The following DHTKD1 variants were observed in gnomAD, a reference collection of about 807,000 sequenced individuals.
DHTKD1 encodes dehydrogenase E1 and transketolase domain containing 1.
A neutral mutation model predicts 101.8 loss-of-function variants in DHTKD1; 78 were observed. That is an observed-to-expected ratio of 0.77 (90% confidence interval 0.64 to 0.93). The LOEUF (loss-of-function observed/expected upper bound fraction) is 0.93, where lower values mean the gene tolerates loss of function less well. Among genes scored for constraint, DHTKD1 ranks in the 40% least tolerant of loss-of-function variants. The probability of loss-of-function intolerance (pLI) is 0.00; values close to 1 mark genes in which losing one functional copy is unlikely to be tolerated. For missense variants in DHTKD1, 1,223 were observed against 1,161.7 expected, an observed-to-expected ratio of 1.05 and a Z score of -0.77; for synonymous variants, 462 against 450.3, an observed-to-expected ratio of 1.03 and a Z score of -0.33.
intron 13 of DHTKD1, among the ~76,000 whole-genome samples, chr10:12,114,410 C>T (rs918867435): frequency 6.6e-6 from 1 of 151,814 alleles, no homozygotes; most frequent in African/African-American, 2.4e-5. Context: ...GATTCTCCTG[C>T]CTCAGCCTCC....
chr10:12,072,800 G>T (rs868390298), intron 1 of DHTKD1, among the ~76,000 whole-genome samples: 14 of 151,384 alleles, frequency 9.2e-5, no homozygotes, highest in Middle Eastern at 6.8e-3. Context: ...GCAATGGCAC[G>T]ATCTCAGCTC....
At chr10:12,109,307 G>A (rs954964128) in intron 12 of DHTKD1, among the ~76,000 whole-genome samples, 1 of 151,924 alleles carries the variant, frequency 6.6e-6, no homozygotes, top group Non-Finnish European at 1.5e-5. Context: ...CAGATAGATG[G>A]ATAGTTACAT....
chr10:12,079,548 GT>G (rs938294675), intron 1 of DHTKD1, among the ~76,000 whole-genome samples: 23 of 152,132 alleles, frequency 1.5e-4, no homozygotes, highest in African/African-American at 4.8e-4. Flanking sequence ...TGCACCTGTA[GT>G]CCCAGCTACT....
At chr10:12,081,448 T>G in intron 1 of DHTKD1, 24 bp from the exon 2 acceptor site, 3 of 1,611,236 alleles carry the variant, frequency 1.9e-6, no homozygotes, top group Non-Finnish European at 2.5e-6. Context: ...ACTGTTTGCA[T>G]TTTTAAATTT....
In DHTKD1 at chr10:12,090,428, TTTCCTTCC is replaced by T. The variant is rs57839020; in HGVS notation, c.988-1041_988-1034del. On this transcript the variant is annotated intron_variant, in intron 5 of 16. Transcript: ENST00000263035. ...TCCTTTTTTCCTTCCTTCCTTCCTT[TTTCCTTCC>T]TTCCTTCCTTCCTTCCTTCCTTCCT... is the stretch of plus-strand genomic sequence containing the variant. Among the ~76,000 whole-genome samples, 262 of 119,846 alleles carry T rather than the reference TTTCCTTCC, an allele frequency of 2.2e-3. 4 individuals carry two copies. Among genetic ancestry groups the T allele is most frequent in the Middle Eastern group, 3.8e-3 (1 of 260 alleles). 78.6% of individuals were successfully genotyped at this position (119,846 alleles called of 152,430 possible). A position where few individuals can be genotyped will look rare whatever the true frequency, so the allele number is the denominator to read the frequency against.
rs755007799 is a variant in DHTKD1, at chr10:12,103,079, C to T, written c.1896+1898C>T. ...CTCTACTAAAAATACAAAAATTAGTCGGGCATGGTGGCACACGCCTGTAAT... is the reference window on the plus strand; with the variant it reads ...CTCTACTAAAAATACAAAAATTAGTTGGGCATGGTGGCACACGCCTGTAAT... On this transcript the variant is annotated intron_variant, in intron 10 of 16. Transcript: ENST00000263035. The surrounding 1 kb of genome is among the most constrained non-coding windows in gnomAD (Gnocchi z 4.8). Among the ~76,000 whole-genome samples the T allele has an allele frequency of 9.2e-5, 14 of 152,178 alleles. No individual in the cohort carries two copies. Among genetic ancestry groups the T allele is most frequent in the Middle Eastern group, 3.4e-3 (1 of 292 alleles).
intron 3 of DHTKD1, 81 bp downstream of exon 3, chr10:12,084,832 C>T: frequency 4.7e-6 from 6 of 1,281,334 alleles, no homozygotes; most frequent in Admixed American, 3.5e-5. Context: ...GGGCGGATCA[C>T]CTGAGGTCAG....
In DHTKD1 at chr10:12,107,752, C is replaced by G. The variant is rs1161718674; in HGVS notation, c.2048-157C>G. On this transcript the variant is annotated intron_variant, in intron 11 of 16. Coordinates refer to ENST00000263035, the MANE Select transcript of DHTKD1 (RefSeq NM_018706.7). This position sits in a 1 kb window ranked among gnomAD's most constrained non-coding sequence, Gnocchi z 4.1. ...TTTTCATTCAATGAAATGGACATTT[C>G]CCTAAGTATAGCATAACAGTTCTAG... 6.6e-6 allele frequency among the ~76,000 whole-genome samples: 1 copy of G among 152,184 alleles called. No homozygotes were observed. The highest frequency in any genetic ancestry group is 6.6e-5 in the Admixed American group (1 of 15,260).
chr10:12,102,898 G>A (rs1426596412), intron 10 of DHTKD1, among the ~76,000 whole-genome samples: 1 of 152,012 alleles, frequency 6.6e-6, no homozygotes, highest in African/African-American at 2.4e-5. Flanking sequence ...GGGATTACAG[G>A]CGTGAACCAC....
At chr10:12,084,359 CAAT>C (rs879782542) in intron 2 of DHTKD1, among the ~76,000 whole-genome samples, 178 bp from the exon 3 acceptor site, 3 of 150,654 alleles carry the variant, frequency 2.0e-5, no homozygotes, top group African/African-American at 4.9e-5. Flanking sequence ...GCATAGGAAA[CAAT>C]AATCTCTGGT....
At chr10:12,079,587 G>A (rs1472815705) in intron 1 of DHTKD1, among the ~76,000 whole-genome samples, 1 of 152,064 alleles carries the variant, frequency 6.6e-6, no homozygotes, top group African/African-American at 2.4e-5. Flanking sequence ...GGAATCACTT[G>A]AACCCGGGAG....
chr10:12,097,644 C>A, intron 7 of DHTKD1, 40 bp from the exon 8 acceptor site: 1 of 1,544,788 alleles, frequency 6.5e-7, no homozygotes, highest in Non-Finnish European at 8.8e-7. Flanking sequence ...TAGATTGTTA[C>A]AGGTCAGACT....
At chr10:12,078,727 G>T (rs4750163) in intron 1 of DHTKD1, among the ~76,000 whole-genome samples, 3 of 152,202 alleles carry the variant, frequency 2.0e-5, no homozygotes, top group Non-Finnish European at 4.4e-5. Context: ...TCACACAGGC[G>T]GGAGTGCAGT....
intron 15 of DHTKD1, among the ~76,000 whole-genome samples, chr10:12,119,587 G>T (rs928697270): frequency 7.1e-6 from 1 of 141,328 alleles, no homozygotes; most frequent in African/African-American, 2.7e-5. Context: ...CTGCACTCCA[G>T]CCTGGGCGAC....
At chr10:12,082,019 C>G (rs760905321) in intron 2 of DHTKD1, among the ~76,000 whole-genome samples, 1 of 151,470 alleles carries the variant, frequency 6.6e-6, no homozygotes, top group Non-Finnish European at 1.5e-5. Flanking sequence ...TCCAGGCACT[C>G]TGGAGGTAGA....
chr10:12,094,063 T>G lies in DHTKD1; in HGVS notation c.1160-10T>G, dbSNP rs772581919. The G allele has an allele frequency of 1.2e-6, 2 of 1,612,162 alleles. No homozygotes were observed. The highest frequency in any genetic ancestry group is 1.7e-6 in the Non-Finnish European group (2 of 1,178,482). ...ACTGTCCTGTTTCGGCTTGGTCTTC[T>G]GTCCTTCAGGGAAGCTTGTGGGCTG... On this transcript the variant is annotated splice_polypyrimidine_tract_variant and intron_variant, in intron 6 of 16. Coordinates refer to ENST00000263035, the MANE Select transcript of DHTKD1 (RefSeq NM_018706.7).
At chr10:12,093,939 G>T in intron 6 of DHTKD1, 134 bp from the exon 7 acceptor site, 2 of 747,756 alleles carry the variant, frequency 2.7e-6, no homozygotes, top group East Asian at 2.5e-5. Flanking sequence ...GGTCTCCAAA[G>T]CTGGGGTTGT....
In DHTKD1 at chr10:12,120,103, TC is replaced by T. The variant is rs149657916; in HGVS notation, c.2573-78del. The T allele has an allele frequency of 1.4e-3, 1,500 of 1,082,742 alleles. 14 individuals carry two copies. In the African/African-American group the frequency reaches 0.021, roughly 15 times the overall value. 67.1% of individuals were successfully genotyped at this position (1,082,742 alleles called of 1,614,324 possible). A position where few individuals can be genotyped will look rare whatever the true frequency, so the allele number is the denominator to read the frequency against. ...CACCATCGTAAAGTTGAAAACTCCATCGTAGGTGGGATCATAGTAAATTGGG... is the reference window on the plus strand; with the variant it reads ...CACCATCGTAAAGTTGAAAACTCCATGTAGGTGGGATCATAGTAAATTGGG... On this transcript the variant is annotated intron_variant, in intron 15 of 16. Coordinates refer to ENST00000263035, the MANE Select transcript of DHTKD1 (RefSeq NM_018706.7).
intron 12 of DHTKD1, among the ~76,000 whole-genome samples, chr10:12,112,582 G>A (rs1722450): frequency 0.97 from 146,823 of 152,146 alleles, 71,080 homozygotes; most frequent in Middle Eastern, 1. Context: ...TCCTTCCCCT[G>A]TCTTAACCCT....
Sources: allele counts gnomAD v4.1 joint callset (sites outside exome capture counted in the v4.1 genomes callset), GRCh38; gene constraint gnomAD v4.1.1; non-coding constraint Gnocchi (gnomAD v3.1); transcripts MANE v1.5; gene names NCBI Gene and HGNC (gene_info 2026-07-23, HGNC 2026-07-21).